Variants in PRKG1 observed in about 807,000 individuals in gnomAD.
The protein encoded by PRKG1 is protein kinase cGMP-dependent 1.
A neutral mutation model predicts 88.1 loss-of-function variants in PRKG1; 35 were observed. The ratio of observed to expected loss-of-function variants is 0.40; its 90% CI spans 0.30 to 0.53. PRKG1 has a LOEUF of 0.53. Ranked by LOEUF, PRKG1 falls within the 20% of genes least tolerant of loss-of-function variation. PRKG1 has a pLI of 0.59. For synonymous variants in PRKG1, 303 were observed against 292.5 expected (o/e 1.04, Z -0.37); for missense variants, 540 against 839.8 (o/e 0.64, Z 4.41).
intron 3 of PRKG1, among the ~76,000 whole-genome samples, chr10:51,512,214 T>C (rs1401288908): frequency 2.0e-5 from 3 of 149,752 alleles, no homozygotes; most frequent in Admixed American, 6.6e-5. Flanking sequence ...TTTATTATAC[T>C]TTAAGTTTTA....
At chr10:52,284,554 A>G (rs2132453240) in intron 14 of PRKG1, among the ~76,000 whole-genome samples, 2 of 152,172 alleles carry the variant, frequency 1.3e-5, no homozygotes, top group South Asian at 4.1e-4. Context: ...TTACAAATAA[A>G]GTTCCACAAA....
At chr10:51,898,205 G>A (rs1413623703) in intron 4 of PRKG1, among the ~76,000 whole-genome samples, 1 of 152,068 alleles carries the variant, frequency 6.6e-6, no homozygotes, top group African/African-American at 2.4e-5. Context: ...TACCTTTAAA[G>A]TGAGGACATC....
intron 4 of PRKG1, among the ~76,000 whole-genome samples, chr10:51,901,740 G>T (rs752255027): frequency 2.6e-5 from 4 of 152,064 alleles, no homozygotes; most frequent in African/African-American, 9.7e-5. Flanking sequence ...AACTTAGCTG[G>T]CATGATAATC....
chr10:51,003,864 A>G (rs915503261), intron 1 of PRKG1, among the ~76,000 whole-genome samples: 1 of 152,112 alleles, frequency 6.6e-6, no homozygotes, highest in Non-Finnish European at 1.5e-5. Flanking sequence ...TAATAATAGT[A>G]CCTAGGCTTC....
chr10:51,133,714 C>G (rs1377205287), intron 1 of PRKG1, among the ~76,000 whole-genome samples: 1 of 152,056 alleles, frequency 6.6e-6, no homozygotes, highest in East Asian at 1.9e-4. Flanking sequence ...CCCCTACAAG[C>G]TTTTATACAT....
At chr10:52,222,159 G>C (rs752948352) in intron 9 of PRKG1, among the ~76,000 whole-genome samples, 1 of 152,022 alleles carries the variant, frequency 6.6e-6, no homozygotes, top group Non-Finnish European at 1.5e-5. Flanking sequence ...GAAGACTCCC[G>C]TCCCTTTGAT....
intron 5 of PRKG1, among the ~76,000 whole-genome samples, chr10:52,015,479 C>T (rs1312445597): frequency 1.3e-5 from 2 of 152,332 alleles, no homozygotes; most frequent in East Asian, 3.9e-4. Flanking sequence ...ATCTCCAGAC[C>T]TGTGATGGCA....
At chr10:52,238,585 A>G (rs904410490) in intron 9 of PRKG1, among the ~76,000 whole-genome samples, 1 of 151,208 alleles carries the variant, frequency 6.6e-6, no homozygotes, top group South Asian at 2.1e-4. Flanking sequence ...CATCATCACT[A>G]GCCATCAGAG....
At chr10:51,476,286 A>C (rs747111446) in intron 3 of PRKG1, among the ~76,000 whole-genome samples, 9 of 152,058 alleles carry the variant, frequency 5.9e-5, no homozygotes, top group Non-Finnish European at 8.8e-5. Flanking sequence ...AGGAGTCCTG[A>C]AGAATTGAGT....
chr10:51,737,935 TTTTTG>T (rs1837332634), intron 3 of PRKG1, among the ~76,000 whole-genome samples: 2 of 151,570 alleles, frequency 1.3e-5, no homozygotes, highest in African/African-American at 4.8e-5. Context: ...GGCTAATTTT[TTTTTG>T]TTTGTTTGTT....
At chr10:52,202,403 T>C (rs1236265703) in intron 9 of PRKG1, among the ~76,000 whole-genome samples, 1 of 152,200 alleles carries the variant, frequency 6.6e-6, no homozygotes, top group African/African-American at 2.4e-5. Flanking sequence ...GCCTACTTGA[T>C]CATGGTGGAT....
chr10:51,892,182 T>A (rs999176142), intron 4 of PRKG1, among the ~76,000 whole-genome samples: 7 of 147,012 alleles, frequency 4.8e-5, no homozygotes, highest in African/African-American at 1.7e-4. Flanking sequence ...TTGAGTAAGT[T>A]TGAAAAATAC....
At position 52,014,472 on chromosome 10, in the gene PRKG1, G is replaced by A. The variant is rs1244711825; in HGVS notation, c.763-40012G>A. Among the ~76,000 whole-genome samples the A allele has an allele frequency of 2.6e-5, 4 of 152,076 alleles. No individual in the cohort carries two copies. In the East Asian group the frequency reaches 5.8e-4, roughly 22 times the overall value. ...CCATCAGGTCTTGTCCTCAACACTTGGGAATTACAATTCAAGGTGATATTT... is the reference window on the plus strand; with the variant it reads ...CCATCAGGTCTTGTCCTCAACACTTAGGAATTACAATTCAAGGTGATATTT... On this transcript the variant is annotated intron_variant, in intron 5 of 17. Transcript: ENST00000373980.
At chr10:51,540,504 T>A (rs1842273192) in intron 3 of PRKG1, among the ~76,000 whole-genome samples, 1 of 152,182 alleles carries the variant, frequency 6.6e-6, no homozygotes. Flanking sequence ...TAATTGCTTA[T>A]TTGTTTCAAT....
chr10:51,587,121 T>G (rs1375162045), intron 3 of PRKG1, among the ~76,000 whole-genome samples: 2 of 152,148 alleles, frequency 1.3e-5, no homozygotes, highest in African/African-American at 4.8e-5. Context: ...GGGCCTCATT[T>G]TTTTGTCATC....
chr10:51,859,382 G>A (rs1261121304), intron 4 of PRKG1, among the ~76,000 whole-genome samples: 1 of 148,676 alleles, frequency 6.7e-6, no homozygotes, highest in African/African-American at 2.5e-5. Context: ...TGTGAAGAGA[G>A]TAAGAGATCT....
At chr10:52,167,961 A>T (rs938364880) in intron 9 of PRKG1, among the ~76,000 whole-genome samples, 10 of 152,224 alleles carry the variant, frequency 6.6e-5, no homozygotes, top group African/African-American at 2.4e-4. Flanking sequence ...GGACAGATAG[A>T]TTTTCATCTG....
chr10:51,241,117 A>T (rs1262391121), intron 2 of PRKG1, among the ~76,000 whole-genome samples: 1 of 152,176 alleles, frequency 6.6e-6, no homozygotes, highest in Non-Finnish European at 1.5e-5. Context: ...TTGAAGATGA[A>T]CTGAGGCTCA....
chr10:52,114,030 C>A (rs940129016), intron 7 of PRKG1, among the ~76,000 whole-genome samples: 1 of 151,988 alleles, frequency 6.6e-6, no homozygotes, highest in African/African-American at 2.4e-5. Context: ...GATACAGAAG[C>A]ATAAAATCAC....
Sources: allele counts gnomAD v4.1 joint callset (sites outside exome capture counted in the v4.1 genomes callset), GRCh38; gene constraint gnomAD v4.1.1; transcripts MANE v1.5; gene names NCBI Gene and HGNC (gene_info 2026-07-23, HGNC 2026-07-21).